PRRC1: variants seen among roughly 807,000 people sequenced by gnomAD.
PRRC1 encodes the protein proline rich coiled-coil 1.
In PRRC1, 39 loss-of-function variants were observed where a neutral mutation model predicts 40.7. That is an observed-to-expected ratio of 0.96 (90% CI 0.74 to 1.25). The LOEUF is 1.25. PRRC1 is among the 50% of genes most tolerant of loss of function. PRRC1 has a pLI of 0.00. For missense variants in PRRC1, 573 were observed against 548.3 expected, an observed-to-expected ratio of 1.05 and a Z score of -0.45; for synonymous variants, 175 against 193.3, an observed-to-expected ratio of 0.91 and a Z score of 0.79.
In PRRC1 at chr5:127,531,617, C is replaced by CTTCTTTTTTTTTTTTTTTTTTTTTTTTTT. The variant is rs1268819647; in HGVS notation, c.757+1223_757+1224insCTTTTTTTTTTTTTTTTTTTTTTTTTTTT. On this transcript the variant is annotated intron_variant, in intron 5 of 8. Transcript: ENST00000296666. ...GCCAGGTGTTTTTATTCTTCTTCTTCTTTTTTTTTTTTTTTTTTTTTTTGA... is the reference window on the plus strand; with the variant it reads ...GCCAGGTGTTTTTATTCTTCTTCTTCTTCTTTTTTTTTTTTTTTTTTTTTTTTTTTTTTTTTTTTTTTTTTTTTTTTTGA... 7.0e-5 allele frequency among the ~76,000 whole-genome samples: 7 copies of CTTCTTTTTTTTTTTTTTTTTTTTTTTTTT among 99,680 alleles called. 1 individual carries two copies. Among genetic ancestry groups the CTTCTTTTTTTTTTTTTTTTTTTTTTTTTT allele is most frequent in the African/African-American group, 3.2e-4 (7 of 21,552 alleles). 65.4% of individuals were successfully genotyped at this position (99,680 alleles called of 152,430 possible).
At chr5:127,542,873 C>T (rs1377081201) in intron 7 of PRRC1, among the ~76,000 whole-genome samples, 2 of 152,112 alleles carry the variant, frequency 1.3e-5, no homozygotes, top group Non-Finnish European at 2.9e-5. Flanking sequence ...AGTCCACTTA[C>T]ATTTAAAGTT....
At chr5:127,546,999 GT>G (rs933990181) in intron 7 of PRRC1, among the ~76,000 whole-genome samples, 15 of 151,942 alleles carry the variant, frequency 9.9e-5, no homozygotes, top group Admixed American at 1.3e-4. Flanking sequence ...TTACTTTGTT[GT>G]TTTTTTGAAT....
rs940012041 is a variant in PRRC1, at chr5:127,553,266, C to G, written c.*1350C>G. The stretch of plus-strand genomic sequence containing the variant: ...GGTTTGCTTTGTGTTAATGCCACTT[C>G]AAGTCATTATTTGGTTTCTGCTATT... On this transcript the variant is annotated 3_prime_UTR_variant, in exon 9 of 9. Transcript: ENST00000296666. The G allele has an allele frequency of 1.0e-6, 1 of 987,338 alleles. No homozygotes were observed. The highest frequency in any genetic ancestry group is 1.2e-6 in the Non-Finnish European group (1 of 831,370). The allele number at this position is 987,338 out of a possible 1,614,324, so 61.2% of individuals were successfully genotyped here. A position where few individuals can be genotyped will look rare whatever the true frequency, so the allele number is the denominator to read the frequency against.
At chr5:127,523,805 T>C (rs1471520491) in intron 2 of PRRC1, 2 of 389,342 alleles carry the variant, frequency 5.1e-6, no homozygotes, top group Non-Finnish European at 9.0e-6. Context: ...TTGTTCTTTA[T>C]GTTCATAATT....
intron 7 of PRRC1, among the ~76,000 whole-genome samples, chr5:127,546,396 G>C (rs1177844811): frequency 6.6e-6 from 1 of 152,176 alleles, no homozygotes; most frequent in African/African-American, 2.4e-5. Context: ...CTTGTGGTCT[G>C]TGTTAGTCTC....
At position 127,552,954 on chromosome 5, in the gene PRRC1, A is replaced by G; in HGVS notation, c.*1038A>G. On this transcript the variant is annotated 3_prime_UTR_variant, in exon 9 of 9. Coordinates refer to ENST00000296666, the MANE Select transcript of PRRC1 (RefSeq NM_130809.5). ...ATATTCAATCTAGTTTATTTAGTCT[A>G]CTGTATTTCTATTTCGTGGAAGCCT... The G allele has an allele frequency of 1.2e-6, 1 of 866,752 alleles. No homozygotes were observed. The highest frequency in any genetic ancestry group is 1.8e-5 in the African/African-American group (1 of 54,772). 53.7% of individuals were successfully genotyped at this position (866,752 alleles called of 1,614,324 possible).
chr5:127,529,425 C>T (rs1006750630), intron 4 of PRRC1, among the ~76,000 whole-genome samples: 2 of 152,124 alleles, frequency 1.3e-5, no homozygotes, highest in Admixed American at 1.3e-4. Context: ...GTGTGTTTGT[C>T]ATGAGTTGTA....
Position 127,524,640 on chromosome 5 carries a change from A to T in PRRC1, c.213A>T (p.Pro71=), listed in dbSNP as rs755088951. The stretch of plus-strand genomic sequence containing the variant: ...TTCCTCCTGTGAGGCCTTCAGCACC[A>T]TTACCTTTTGTGCCTCCTCCTGCAG... ...PPLPPVRPSA[P]LPFVPPPAVP... The change falls in exon 3 of 9, where the codon CCA becomes CCT. Residue 71 remains proline (P), a synonymous_variant. Transcript: ENST00000296666. 48 of 1,614,026 alleles carry T rather than the reference A, an allele frequency of 3.0e-5. 1 individual carries two copies. In the South Asian group the frequency reaches 5.2e-4, roughly 17 times the overall value.
At chr5:127,528,909 C>G (rs1291342552) in intron 4 of PRRC1, among the ~76,000 whole-genome samples, 3 of 152,094 alleles carry the variant, frequency 2.0e-5, no homozygotes, top group African/African-American at 7.2e-5. Context: ...CCTCTGTATT[C>G]TAGTCCACTG....
intron 1 of PRRC1, among the ~76,000 whole-genome samples, chr5:127,519,755 A>G (rs974789950): frequency 6.6e-6 from 1 of 152,220 alleles, no homozygotes; most frequent in Admixed American, 6.5e-5. Context: ...GATGACACCC[A>G]CATTTATGTG....
intron 1 of PRRC1, among the ~76,000 whole-genome samples, chr5:127,523,231 A>G (rs1767509269): frequency 6.6e-6 from 1 of 152,244 alleles, no homozygotes; most frequent in Non-Finnish European, 1.5e-5. Flanking sequence ...TTTCCCACTT[A>G]TAAAGTATCT....
rs1264840666 is a variant in PRRC1, at chr5:127,526,680, A to G, written c.556A>G (p.Thr186Ala). Reference protein sequence around the residue: ...SLTSLAQGTGTTSAITFPEEQ... With the variant: ...SLTSLAQGTGATSAITFPEEQ... Reference sequence around the variant, plus strand: ...GACATCTCTGGCACAGGGAACTGGAACCACATCAGCCATTACTTTCCCAGA... The same window carrying G: ...GACATCTCTGGCACAGGGAACTGGAGCCACATCAGCCATTACTTTCCCAGA... The change falls in exon 4 of 9, where the codon ACC becomes GCC. Residue 186 changes from threonine (T) to alanine (A), a missense_variant. Physicochemically the swap from Thr to Ala is moderately conservative, Grantham distance 58 (BLOSUM62 0). Transcript: ENST00000296666. The G allele has an allele frequency of 1.2e-6, 2 of 1,613,608 alleles. No homozygotes were observed. The highest frequency in any genetic ancestry group is 3.3e-5 in the Admixed American group (2 of 60,000).
chr5:127,547,738 G>A (rs1214506366), intron 7 of PRRC1, 81 bp from the exon 8 acceptor site: 6 of 884,846 alleles, frequency 6.8e-6, no homozygotes, highest in Admixed American at 2.3e-5. Flanking sequence ...CTGAATAATA[G>A]TACTTGTTTT....
At chr5:127,519,990 C>T (rs1767417656) in intron 1 of PRRC1, among the ~76,000 whole-genome samples, 1 of 152,234 alleles carries the variant, frequency 6.6e-6, no homozygotes, top group East Asian at 1.9e-4. Context: ...CATACCCAGT[C>T]ACTGAATTTT....
chr5:127,533,660 T>C lies in PRRC1; in HGVS notation c.795T>C (p.Asn265=), dbSNP rs1255356772. 6.2e-7 allele frequency: 1 copy of C among 1,614,094 alleles called. No individual in the cohort carries two copies. Among genetic ancestry groups the C allele is most frequent in the Admixed American group, 1.7e-5 (1 of 60,014 alleles). ...GGELDIVVTS[N]KEVKVAAVRD... Reference sequence around the variant, plus strand: ...AACTGGATATTGTAGTGACCTCAAATAAAGAAGTAAAAGTTGCTGCTGTCC... The same window carrying C: ...AACTGGATATTGTAGTGACCTCAAACAAAGAAGTAAAAGTTGCTGCTGTCC... Residue 265 remains asparagine (N), a synonymous_variant, in exon 6 of 9, where the codon AAT becomes AAC. Transcript: ENST00000296666.
intron 5 of PRRC1, among the ~76,000 whole-genome samples, chr5:127,530,629 T>A (rs921314870): frequency 1.3e-5 from 2 of 152,130 alleles, no homozygotes; most frequent in Non-Finnish European, 2.9e-5. Context: ...CTAGAAGGAG[T>A]AAAAACCATG....
intron 7 of PRRC1, among the ~76,000 whole-genome samples, chr5:127,542,868 A>G (rs955120893): frequency 2.0e-5 from 3 of 152,120 alleles, no homozygotes; most frequent in African/African-American, 7.2e-5. Context: ...CATTTAGTCC[A>G]CTTACATTTA....
intron 6 of PRRC1, among the ~76,000 whole-genome samples, chr5:127,537,139 T>C (rs1445048992): frequency 6.6e-6 from 1 of 151,606 alleles, no homozygotes; most frequent in East Asian, 1.9e-4. Flanking sequence ...GACTACTGTT[T>C]TATATAGTTT....
Position 127,524,921 on chromosome 5 carries a change from G to A in PRRC1, c.493+1G>A, listed in dbSNP as rs1375798680. The A allele has an allele frequency of 6.3e-7, 1 of 1,579,308 alleles. No homozygotes were observed. Among genetic ancestry groups the A allele is most frequent in the Admixed American group, 1.9e-5 (1 of 53,536 alleles). ...TCATTTTCTGCACCTTCAGGAACAG[G>A]TAATTCTTTCTGATACTTTGAAATA... On this transcript the variant is annotated splice_donor_variant, in intron 3 of 8. Transcript: ENST00000296666. LOFTEE classifies it high-confidence loss of function.
Sources: allele counts gnomAD v4.1 joint callset (sites outside exome capture counted in the v4.1 genomes callset), GRCh38; gene constraint gnomAD v4.1.1; transcripts MANE v1.5; gene names NCBI Gene and HGNC (gene_info 2026-07-23, HGNC 2026-07-21).